The following SYNE1 variants were observed in gnomAD, a reference collection of about 807,000 sequenced individuals.
SYNE1 encodes spectrin repeat containing nuclear envelope protein 1, also known as nesprin-1.
Under a neutral mutation model 1,111.0 loss-of-function variants are expected in SYNE1, and 616 were observed. That is an observed-to-expected ratio of 0.55 (90% CI 0.52 to 0.59). SYNE1 has a LOEUF of 0.59. SYNE1 is among the 20% of genes least tolerant of loss of function. The pLI is 0.00. For missense variants in SYNE1, 10,006 were observed against 10,417.0 expected (o/e 0.96, Z 1.72); for synonymous variants, 3,855 against 3,825.8 (o/e 1.01, Z -0.28).
chr6:152,320,335 CTT>C (rs2095842683), intron 84 of SYNE1: 2 of 152,182 alleles, frequency 1.3e-5, no homozygotes, highest in Admixed American at 1.3e-4. Context: ...TTTTAAAACA[CTT>C]TGCATCATAC....
chr6:152,270,925 G>A (rs1589121012), intron 98 of SYNE1, among the ~76,000 whole-genome samples: 1 of 152,192 alleles, frequency 6.6e-6, no homozygotes, highest in Admixed American at 6.5e-5. Flanking sequence ...AAGACCCTAA[G>A]GTGAAAGAAA....
intron 76 of SYNE1, 50 bp downstream of exon 76, chr6:152,336,791 T>G (rs758262036): frequency 6.2e-7 from 1 of 1,602,556 alleles, no homozygotes; most frequent in Non-Finnish European, 8.5e-7. Flanking sequence ...TTTCAGGTTT[T>G]CTACTCTGTT....
chr6:152,370,727 G>A (rs1016351513), intron 59 of SYNE1, among the ~76,000 whole-genome samples: 1 of 152,096 alleles, frequency 6.6e-6, no homozygotes, highest in Non-Finnish European at 1.5e-5. Context: ...AGTACTTTAG[G>A]TAGTATTGTC....
At chr6:152,479,679 A>G (rs2098869536) in intron 14 of SYNE1, among the ~76,000 whole-genome samples, 2 of 152,358 alleles carry the variant, frequency 1.3e-5, no homozygotes, top group East Asian at 1.9e-4. Context: ...TAAGTCCTCC[A>G]TAATAGTTGG....
chr6:152,383,439 C>T (rs1339456858), intron 55 of SYNE1, among the ~76,000 whole-genome samples: 4 of 152,184 alleles, frequency 2.6e-5, no homozygotes, highest in Non-Finnish European at 5.9e-5. Context: ...AGACTGGTTG[C>T]CCAACAGCCT....
intron 133 of SYNE1, among the ~76,000 whole-genome samples, chr6:152,154,489 G>A (rs943647135): frequency 6.9e-6 from 1 of 145,644 alleles, no homozygotes; most frequent in Non-Finnish European, 1.5e-5. Flanking sequence ...CACACACTGC[G>A]ATTAGGTAAA....
At chr6:152,271,030 A>G (rs2093160723) in intron 98 of SYNE1, among the ~76,000 whole-genome samples, 1 of 152,138 alleles carries the variant, frequency 6.6e-6, no homozygotes, top group Non-Finnish European at 1.5e-5. Context: ...GCTTCCACGG[A>G]GGAGCCTCCT....
rs746720910 is a variant in SYNE1 at position 152,409,211 on chromosome 6, T to C, written c.6397A>G (p.Asn2133Asp). Residue 2133 changes from asparagine (N) to aspartate (D), a missense_variant, in exon 44 of 146, where the codon AAC (asparagine) becomes GAC (aspartate). Physicochemically the swap from Asn to Asp is conservative, Grantham distance 23. Transcript: ENST00000367255. ...TCTTTCTGTTTGTAATTCATTTTGT[T>C]CTTGGCAGTTTCATGCTGTGGATAA... ...WAFSKHETAK[N>D]KMNYKQKDLD... The C allele has an allele frequency of 1.9e-6, 3 of 1,614,124 alleles. No individual in the cohort carries two copies. Among genetic ancestry groups the C allele is most frequent in the Non-Finnish European group, 2.5e-6 (3 of 1,180,008 alleles).
At chr6:152,182,444 G>C (rs1331151516) in intron 128 of SYNE1, among the ~76,000 whole-genome samples, 1 of 152,098 alleles carries the variant, frequency 6.6e-6, no homozygotes, top group African/African-American at 2.4e-5. Context: ...AAACATTTCC[G>C]ACACAGAAAA....
intron 127 of SYNE1, among the ~76,000 whole-genome samples, chr6:152,194,047 A>T (rs1486473774): frequency 6.6e-6 from 1 of 151,496 alleles, no homozygotes; most frequent in African/African-American, 2.4e-5. Flanking sequence ...ATACAACACA[A>T]TTGCAATGTT....
At chr6:152,211,991 G>A (rs1325718586) in intron 123 of SYNE1, among the ~76,000 whole-genome samples, 2 of 151,888 alleles carry the variant, frequency 1.3e-5, no homozygotes, top group African/African-American at 4.8e-5. Flanking sequence ...GTCTTTTTCT[G>A]TCTTTTAAAA....
intron 11 of SYNE1, among the ~76,000 whole-genome samples, chr6:152,488,861 T>C (rs1311641169): frequency 1.3e-5 from 2 of 152,106 alleles, no homozygotes; most frequent in East Asian, 3.9e-4. Flanking sequence ...CCCAAAGCCA[T>C]TGGTAACCCA....
At chr6:152,498,823 T>C in intron 10 of SYNE1, 31 bp from the exon 11 acceptor site, 1 of 1,225,166 alleles carries the variant, frequency 8.2e-7, no homozygotes, top group East Asian at 2.7e-5. Context: ...TATATAGAAA[T>C]ATAATATAAA....
chr6:152,633,028 T>A (rs1269731606), intron 2 of SYNE1, among the ~76,000 whole-genome samples: 1 of 152,186 alleles, frequency 6.6e-6, no homozygotes, highest in Non-Finnish European at 1.5e-5. Flanking sequence ...TCCAACAGAC[T>A]GTTTACCTAG....
At chr6:152,385,602 T>C (rs1335220897) in intron 55 of SYNE1, 72 bp downstream of exon 55, 24 of 1,550,966 alleles carry the variant, frequency 1.5e-5, no homozygotes, top group African/African-American at 2.7e-5. Flanking sequence ...GAATCTTATC[T>C]ACAAAATCTT....
rs377552713 is a variant in SYNE1 at position 152,407,910 on chromosome 6, C to T, written c.6541-714G>A. Reference sequence around the variant, plus strand: ...CACAGTAGCTAGGATTACAGGCGCTCGCCACCACGCCCGGCTAATTTTTTG... The same window carrying T: ...CACAGTAGCTAGGATTACAGGCGCTTGCCACCACGCCCGGCTAATTTTTTG... On this transcript the variant is annotated intron_variant, in intron 44 of 145. Transcript: ENST00000367255. Among the ~76,000 whole-genome samples the T allele has an allele frequency of 2.0e-3, 306 of 151,806 alleles. 1 individual carries two copies. The highest frequency in any genetic ancestry group is 7.2e-3 in the African/African-American group (297 of 41,444).
chr6:152,245,664 T>C (rs2086927203), intron 105 of SYNE1, among the ~76,000 whole-genome samples: 1 of 152,160 alleles, frequency 6.6e-6, no homozygotes, highest in African/African-American at 2.4e-5. Context: ...TTAGGAAATC[T>C]GGGGAAGCTG....
chr6:152,194,311 C>A (rs921076594), intron 127 of SYNE1, among the ~76,000 whole-genome samples: 2 of 152,112 alleles, frequency 1.3e-5, no homozygotes, highest in Non-Finnish European at 2.9e-5. Flanking sequence ...TCTTCAGCAC[C>A]TTAAAAATGT....
intron 25 of SYNE1, among the ~76,000 whole-genome samples, chr6:152,451,596 T>A (rs1592983974): frequency 6.6e-6 from 1 of 150,576 alleles, no homozygotes; most frequent in Non-Finnish European, 1.5e-5. Flanking sequence ...GATTCTCCTG[T>A]CTCAGCCTCC....
Sources: allele counts gnomAD v4.1 joint callset (sites outside exome capture counted in the v4.1 genomes callset), GRCh38; gene constraint gnomAD v4.1.1; transcripts MANE v1.5; gene names NCBI Gene and HGNC (gene_info 2026-07-23, HGNC 2026-07-21).